The following AKAP13 variants were observed in gnomAD, a reference collection of about 807,000 sequenced individuals.
AKAP13 encodes the protein A-kinase anchoring protein 13.
In AKAP13, 80 loss-of-function variants were observed where a neutral mutation model predicts 264.5. That is an observed-to-expected ratio of 0.30 (90% CI 0.25 to 0.36). The LOEUF (loss-of-function observed/expected upper bound fraction) is 0.36, where lower values mean the gene tolerates loss of function less well. AKAP13 is among the 10% of genes least tolerant of loss of function. The pLI is 1.00. For missense variants in AKAP13, 3,712 were observed against 3,435.2 expected, an observed-to-expected ratio of 1.08 and a Z score of -2.01; for synonymous variants, 1,380 against 1,250.2, an observed-to-expected ratio of 1.10 and a Z score of -2.19.
At chr15:85,564,616 A>G (rs1188317562) in intron 5 of AKAP13, among the ~76,000 whole-genome samples, 2 of 152,152 alleles carry the variant, frequency 1.3e-5, no homozygotes, top group African/African-American at 4.8e-5. Flanking sequence ...TTTAGTTGTC[A>G]TGTTTAGTCT....
intron 34 of AKAP13, among the ~76,000 whole-genome samples, chr15:85,740,780 C>G (rs1226879618): frequency 8.1e-6 from 1 of 123,630 alleles, no homozygotes; most frequent in African/African-American, 3.0e-5. Flanking sequence ...CAACCACCCC[C>G]CCCCCCACCC....
At chr15:85,691,549 T>C (rs533288188) in intron 16 of AKAP13, among the ~76,000 whole-genome samples, 1 of 152,348 alleles carries the variant, frequency 6.6e-6, no homozygotes, top group East Asian at 1.9e-4. Context: ...TGATGTCATA[T>C]GAGTCCTCTG....
At chr15:85,528,200 C>T (rs1423932657) in intron 3 of AKAP13, among the ~76,000 whole-genome samples, 1 of 152,196 alleles carries the variant, frequency 6.6e-6, no homozygotes, top group Admixed American at 6.5e-5. Context: ...CTCTCCCAAC[C>T]TCGCACACAC....
intron 35 of AKAP13, among the ~76,000 whole-genome samples, chr15:85,743,165 G>C (rs2089176951): frequency 6.6e-6 from 1 of 151,724 alleles, no homozygotes; most frequent in Non-Finnish European, 1.5e-5. Flanking sequence ...AGCTCTCCTT[G>C]TTTCTTCAGG....
At chr15:85,531,898 A>G (rs2077253127) in intron 3 of AKAP13, among the ~76,000 whole-genome samples, 1 of 152,238 alleles carries the variant, frequency 6.6e-6, no homozygotes, top group Non-Finnish European at 1.5e-5. Context: ...CTTAGCTCTT[A>G]GCCTTCTTCC....
intron 19 of AKAP13, among the ~76,000 whole-genome samples, chr15:85,713,856 T>A (rs1238875803): frequency 6.6e-6 from 1 of 152,106 alleles, no homozygotes. Flanking sequence ...GGACAGCAAG[T>A]CCATTACCAG....
chr15:85,741,237 G>A lies in AKAP13; in HGVS notation c.7800G>A (p.Arg2600=). ...CCCAGTACCTCGAGGAGAAGCGCAG[G>A]CGCGAGCGTGAGTGGGAAGCTCGTG... ...QQAQYLEEKR[R]REREWEARER... The change falls in exon 35 of 37, where the codon AGG becomes AGA. Residue 2600 remains arginine (R), a synonymous_variant. Coordinates refer to ENST00000394518, the MANE Select transcript of AKAP13 (RefSeq NM_007200.5). 1.2e-6 allele frequency: 2 copies of A among 1,609,110 alleles called. No homozygotes were observed. The highest frequency in any genetic ancestry group is 4.5e-5 in the East Asian group (2 of 44,650).
chr15:85,536,883 G>C (rs1385059372), intron 4 of AKAP13: 1 of 152,184 alleles, frequency 6.6e-6, no homozygotes, highest in East Asian at 1.9e-4. Context: ...GAGTTGTTTT[G>C]TCTTGTTCGT....
intron 10 of AKAP13, among the ~76,000 whole-genome samples, chr15:85,654,525 T>C (rs541350894): frequency 4.6e-5 from 7 of 152,278 alleles, no homozygotes; most frequent in African/African-American, 1.7e-4. Flanking sequence ...TTGATATTTT[T>C]CCTCTTGAAG....
At chr15:85,673,405 C>T (rs1026124567) in intron 14 of AKAP13, among the ~76,000 whole-genome samples, 5 of 152,100 alleles carry the variant, frequency 3.3e-5, no homozygotes, top group South Asian at 2.1e-4. Flanking sequence ...CGTGACTTGC[C>T]GGCAATTTTT....
Position 85,579,235 on chromosome 15 carries a change from G to A in AKAP13, c.1167G>A (p.Val389=). 6.2e-7 allele frequency: 1 copy of A among 1,614,202 alleles called. No homozygotes were observed. Among genetic ancestry groups the A allele is most frequent in the Non-Finnish European group, 8.5e-7 (1 of 1,180,030 alleles). Residue 389 remains valine, a synonymous_variant, in exon 7 of 37, where the codon GTG becomes GTA. Transcript: ENST00000394518. ...KGEEVEPAPI[V]DSGTVSDQDS... is the part of the protein sequence containing the mutation. ...AAGAGGTGGAGCCAGCACCTATTGT[G>A]GACTCTGGAACTGTATCTGATCAAG...
chr15:85,618,019 G>A (rs1032483253), intron 8 of AKAP13, among the ~76,000 whole-genome samples: 3 of 152,166 alleles, frequency 2.0e-5, no homozygotes, highest in Non-Finnish European at 4.4e-5. Flanking sequence ...AGGCTCACTT[G>A]GGGCACGAGA....
intron 10 of AKAP13, among the ~76,000 whole-genome samples, chr15:85,650,612 T>C (rs1478186721): frequency 4.0e-5 from 6 of 150,582 alleles, no homozygotes; most frequent in African/African-American, 1.5e-4. Context: ...AAAAATTAGC[T>C]GGGCGTGGTG....
chr15:85,385,977 C>G (rs2070537844), intron 1 of AKAP13, among the ~76,000 whole-genome samples: 1 of 152,096 alleles, frequency 6.6e-6, no homozygotes, highest in Admixed American at 6.5e-5. Context: ...AGGCACACAC[C>G]ACCACACCCA....
At chr15:85,563,043 C>G (rs2078461603) in intron 5 of AKAP13, among the ~76,000 whole-genome samples, 2 of 151,898 alleles carry the variant, frequency 1.3e-5, no homozygotes, top group African/African-American at 2.4e-5. Flanking sequence ...ATAAAAAACT[C>G]TGGCTCATAG....
chr15:85,682,108 A>T lies in AKAP13; in HGVS notation c.5102-50A>T, dbSNP rs529482034. On this transcript the variant is annotated intron_variant, in intron 14 of 36. Coordinates refer to ENST00000394518, the MANE Select transcript of AKAP13 (RefSeq NM_007200.5). ...TGAATTTATAAATATTCTACCCGGCATCAGTGTTAAATTTTTTGGTTCTAA... is the reference window on the plus strand; with the variant it reads ...TGAATTTATAAATATTCTACCCGGCTTCAGTGTTAAATTTTTTGGTTCTAA... The T allele has an allele frequency of 4.6e-6, 7 of 1,518,996 alleles. No individual in the cohort carries two copies. In the African/African-American group the frequency reaches 9.6e-5, roughly 21 times the overall value. The allele number at this position is 1,518,996 out of a possible 1,614,324, so 94.1% of individuals were successfully genotyped here. A position where few individuals can be genotyped will look rare whatever the true frequency, so the allele number is the denominator to read the frequency against.
chr15:85,442,078 A>G (rs1279841032), intron 1 of AKAP13, among the ~76,000 whole-genome samples: 1 of 152,110 alleles, frequency 6.6e-6, no homozygotes, highest in Non-Finnish European at 1.5e-5. Context: ...GGGCTGGGTA[A>G]GCCTAGGATA....
chr15:85,651,540 A>G (rs1395367654), intron 10 of AKAP13: 1 of 152,218 alleles, frequency 6.6e-6, no homozygotes, highest in Non-Finnish European at 1.5e-5. Flanking sequence ...TGACTGCTTC[A>G]CGAATGTGTG....
At chr15:85,502,551 G>T (rs1021842160) in intron 2 of AKAP13, among the ~76,000 whole-genome samples, 1 of 152,024 alleles carries the variant, frequency 6.6e-6, no homozygotes, top group African/African-American at 2.4e-5. Flanking sequence ...CATAAAGTTG[G>T]CTTATTTCTT....
Sources: allele counts gnomAD v4.1 joint callset (sites outside exome capture counted in the v4.1 genomes callset), GRCh38; gene constraint gnomAD v4.1.1; transcripts MANE v1.5; gene names NCBI Gene and HGNC (gene_info 2026-07-23, HGNC 2026-07-21).